The following TRPC4 variants were observed in gnomAD, a reference collection of about 807,000 sequenced individuals.
TRPC4 encodes the protein transient receptor potential cation channel subfamily C member 4, also known as short transient receptor potential channel 4.
TRPC4 carries 49 observed loss-of-function variants against 99.4 expected under a neutral mutation model. The ratio of observed to expected loss-of-function variants is 0.49; its 90% CI spans 0.39 to 0.63. The LOEUF is 0.63. Ranked by LOEUF, TRPC4 falls within the 20% of genes least tolerant of loss-of-function variation. The pLI, the probability that TRPC4 is intolerant of heterozygous loss-of-function variation, is 0.00. For synonymous variants in TRPC4, 454 were observed against 425.9 expected (o/e 1.07, Z -0.81); for missense variants, 898 against 1,152.9 (o/e 0.78, Z 3.20).
intron 1 of TRPC4, among the ~76,000 whole-genome samples, chr13:37,830,971 A>G (rs1958405963): frequency 6.6e-6 from 1 of 151,904 alleles, no homozygotes; most frequent in South Asian, 2.1e-4. Flanking sequence ...AAATGAAATC[A>G]TAGTTTGAGT....
rs143025459 is a variant in TRPC4, at chr13:37,634,182, A to G, written c.*2721T>C. Among the ~76,000 whole-genome samples, 899 of 152,228 alleles carry G rather than the reference A, an allele frequency of 5.9e-3. 13 individuals carry two copies. Among genetic ancestry groups the G allele is most frequent in the African/African-American group, 0.021 (857 of 41,560 alleles). On this transcript the variant is annotated 3_prime_UTR_variant, in exon 11 of 11. Coordinates refer to ENST00000379705, the MANE Select transcript of TRPC4 (RefSeq NM_016179.4). ...CTGTAGCATTTAGAAATTTCTGTGGATAGAAATATGAATAGAAACGAACAC... is the reference window on the plus strand; with the variant it reads ...CTGTAGCATTTAGAAATTTCTGTGGGTAGAAATATGAATAGAAACGAACAC...
chr13:37,864,081 T>A (rs1024580945), intron 1 of TRPC4, among the ~76,000 whole-genome samples: 1 of 151,674 alleles, frequency 6.6e-6, no homozygotes, highest in Non-Finnish European at 1.5e-5. Context: ...TGAAGTAGAA[T>A]GAAAATAATT....
At chr13:37,802,615 C>T (rs144154415) in intron 1 of TRPC4, among the ~76,000 whole-genome samples, 65 of 152,172 alleles carry the variant, frequency 4.3e-4, no homozygotes, top group African/African-American at 1.5e-3. Flanking sequence ...ACCTTGATCA[C>T]TTGGTTAAGG....
At chr13:37,691,876 C>G (rs760222649) in intron 4 of TRPC4, 123 bp downstream of exon 4, 5 of 945,560 alleles carry the variant, frequency 5.3e-6, no homozygotes, top group Non-Finnish European at 7.6e-6. Flanking sequence ...GTTCTTGGAG[C>G]TACAATAGTC....
chr13:37,812,197 C>CAAAAAAAAAAAAAGGAA (rs1156963631), intron 1 of TRPC4, among the ~76,000 whole-genome samples: 2 of 111,202 alleles, frequency 1.8e-5, no homozygotes, highest in African/African-American at 6.2e-5. Context: ...AAAAAAAAAC[C>CAAAAAAAAAAAAAGGAA]AGGAGATCTA....
At chr13:37,652,583 C>T (rs977694784) in intron 7 of TRPC4, among the ~76,000 whole-genome samples, 1 of 152,162 alleles carries the variant, frequency 6.6e-6, no homozygotes, top group Non-Finnish European at 1.5e-5. Context: ...TCCCTTTTTC[C>T]CTCCTCTTCC....
intron 2 of TRPC4, among the ~76,000 whole-genome samples, chr13:37,770,747 A>T (rs1956529820): frequency 6.6e-6 from 1 of 151,646 alleles, no homozygotes; most frequent in African/African-American, 2.4e-5. Flanking sequence ...AAGTTTAAGC[A>T]TTTTATTGAT....
chr13:37,845,394 T>C (rs1324436912), intron 1 of TRPC4, among the ~76,000 whole-genome samples: 2 of 151,498 alleles, frequency 1.3e-5, no homozygotes, highest in Non-Finnish European at 2.9e-5. Context: ...AAAATATAGA[T>C]AGAAAATCAA....
chr13:37,660,644 C>T (rs1402615565), intron 6 of TRPC4, among the ~76,000 whole-genome samples: 2 of 152,032 alleles, frequency 1.3e-5, no homozygotes, highest in Non-Finnish European at 2.9e-5. Context: ...CTACCATTGC[C>T]AATCATGAAG....
intron 10 of TRPC4, among the ~76,000 whole-genome samples, chr13:37,638,218 ATGGCAACCTTCTTGG>A (rs200928420): frequency 3.8e-4 from 14 of 36,456 alleles, no homozygotes; most frequent in East Asian, 5.8e-3. Context: ...TCTTACCCTG[ATGGCAACCTTCTTGG>A]TGGCTTCCTG....
chr13:37,865,778 G>C (rs9603267), intron 1 of TRPC4, among the ~76,000 whole-genome samples: 25,654 of 151,694 alleles, frequency 0.17, 2,204 homozygotes, highest in Non-Finnish European at 0.18. Flanking sequence ...GTACCTGATA[G>C]TAAAATTTGA....
intron 8 of TRPC4, among the ~76,000 whole-genome samples, chr13:37,647,640 C>CT (rs1951891926): frequency 1.3e-5 from 2 of 152,156 alleles, no homozygotes; most frequent in African/African-American, 4.8e-5. Context: ...AACAGGTTAT[C>CT]TTTTAAAAGA....
chr13:37,683,049 G>A (rs564762451), intron 4 of TRPC4, among the ~76,000 whole-genome samples: 8 of 151,498 alleles, frequency 5.3e-5, no homozygotes, highest in South Asian at 4.1e-4. Flanking sequence ...GATTACAGGC[G>A]TCGGCAGCCC....
At chr13:37,660,681 T>C (rs1952405415) in intron 6 of TRPC4, among the ~76,000 whole-genome samples, 1 of 152,180 alleles carries the variant, frequency 6.6e-6, no homozygotes, top group Admixed American at 6.5e-5. Flanking sequence ...CCATTTTTGA[T>C]GACATTCTAT....
chr13:37,641,226 C>T lies in TRPC4; in HGVS notation c.2080-1927G>A, dbSNP rs559317964. ...AAAGACTACATTTTAAATGGTAATT[C>T]TAGGTTAATTTTCTTGGGAAAAAAC... On this transcript the variant is annotated intron_variant, in intron 8 of 10. Coordinates refer to ENST00000379705, the MANE Select transcript of TRPC4 (RefSeq NM_016179.4). 2.0e-5 allele frequency among the ~76,000 whole-genome samples: 3 copies of T among 152,106 alleles called. No homozygotes were observed. In the East Asian group the frequency reaches 5.8e-4, roughly 29 times the overall value.
chr13:37,740,956 G>A (rs1354282963), intron 3 of TRPC4, among the ~76,000 whole-genome samples: 1 of 152,154 alleles, frequency 6.6e-6, no homozygotes, highest in Non-Finnish European at 1.5e-5. Flanking sequence ...TCCCATTAAT[G>A]TGTAGGACGA....
intron 3 of TRPC4, among the ~76,000 whole-genome samples, chr13:37,712,507 T>TA (rs1954518663): frequency 6.6e-6 from 1 of 152,186 alleles, no homozygotes; most frequent in South Asian, 2.1e-4. Context: ...TCACTGGTGT[T>TA]AATAGTTCCT....
intron 1 of TRPC4, among the ~76,000 whole-genome samples, chr13:37,846,620 C>T (rs549099915): frequency 6.7e-6 from 1 of 149,482 alleles, no homozygotes; most frequent in South Asian, 2.1e-4. Flanking sequence ...AACCATCAAA[C>T]CACAAATGAA....
At chr13:37,844,717 C>G (rs1239821642) in intron 1 of TRPC4, among the ~76,000 whole-genome samples, 6 of 152,104 alleles carry the variant, frequency 3.9e-5, no homozygotes, top group African/African-American at 1.4e-4. Flanking sequence ...AATAGATCAT[C>G]TAGTACTGCC....
Sources: gnomAD v4.1 joint callset for allele counts (sites outside exome capture counted in the v4.1 genomes callset) on GRCh38, gnomAD v4.1.1 for gene constraint, MANE v1.5 for transcripts, NCBI Gene and HGNC (gene_info 2026-07-23, HGNC 2026-07-21) for gene names.